Variants in UQCC1 observed in about 807,000 individuals in gnomAD.
The protein encoded by UQCC1 is bFGF-repressed Zic-binding protein.
In UQCC1, 38 loss-of-function variants were observed where a neutral mutation model predicts 48.0. The observed-to-expected ratio is 0.79, with a 90% CI of 0.61 to 1.04. The LOEUF is 1.04. Among genes scored for constraint, UQCC1 ranks in the 50% least tolerant of loss-of-function variants. UQCC1 has a pLI of 0.00. For missense variants in UQCC1, 368 were observed against 381.8 expected, an observed-to-expected ratio of 0.96 and a Z score of 0.30; for synonymous variants, 111 against 129.2, an observed-to-expected ratio of 0.86 and a Z score of 0.95.
chr20:35,409,002 G>A (rs2146554338), intron 1 of UQCC1, among the ~76,000 whole-genome samples: 1 of 152,296 alleles, frequency 6.6e-6, no homozygotes, highest in South Asian at 2.1e-4. Context: ...TAAACTCACG[G>A]AGACAGAAAG....
intron 7 of UQCC1, among the ~76,000 whole-genome samples, chr20:35,330,798 AT>A (rs2061248257): frequency 6.6e-6 from 1 of 151,532 alleles, no homozygotes; most frequent in Non-Finnish European, 1.5e-5. Flanking sequence ...TATCTCATGG[AT>A]TTTTTTTCAA....
intron 6 of UQCC1, among the ~76,000 whole-genome samples, chr20:35,365,383 G>A (rs966319129): frequency 2.6e-5 from 4 of 152,100 alleles, no homozygotes; most frequent in Admixed American, 6.6e-5. Flanking sequence ...GGCTGGGCAC[G>A]GTGGCTCACG....
intron 7 of UQCC1, among the ~76,000 whole-genome samples, chr20:35,323,469 A>C (rs982605701): frequency 1.3e-5 from 2 of 152,230 alleles, no homozygotes; most frequent in African/African-American, 4.8e-5. Flanking sequence ...AAAGGTAATT[A>C]TTATTATCTA....
At chr20:35,382,605 C>T (rs1162601327) in intron 3 of UQCC1, among the ~76,000 whole-genome samples, 2 of 148,280 alleles carry the variant, frequency 1.3e-5, no homozygotes, top group African/African-American at 2.5e-5. Context: ...CTCCGCCTCC[C>T]GGGTTCCCGC....
intron 7 of UQCC1, chr20:35,346,952 CA>C (rs766447416): frequency 5.4e-6 from 8 of 1,486,526 alleles, no homozygotes; most frequent in Non-Finnish European, 7.2e-6. Context: ...TTCACACTGA[CA>C]AATCACTATA....
chr20:35,317,311 T>A (rs1324056856), intron 7 of UQCC1, among the ~76,000 whole-genome samples: 1 of 152,240 alleles, frequency 6.6e-6, no homozygotes, highest in East Asian at 1.9e-4. Context: ...TAATAATGTA[T>A]GTATGCTGAA....
chr20:35,348,117 CTTA>C (rs1341962073), intron 6 of UQCC1, among the ~76,000 whole-genome samples: 2 of 152,062 alleles, frequency 1.3e-5, no homozygotes, highest in East Asian at 1.9e-4. Flanking sequence ...ATTTCCAGGG[CTTA>C]AGTACAGTAG....
chr20:35,314,587 G>T, intron 8 of UQCC1, 101 bp downstream of exon 8: 2 of 874,278 alleles, frequency 2.3e-6, no homozygotes, highest in Non-Finnish European at 3.6e-6. Flanking sequence ...CATGGTGGTA[G>T]CCAGTAACAA....
chr20:35,397,441 G>A (rs757665877), intron 1 of UQCC1, among the ~76,000 whole-genome samples: 5 of 150,104 alleles, frequency 3.3e-5, no homozygotes, highest in African/African-American at 7.4e-5. Flanking sequence ...GCATGAACCC[G>A]GGAGGCGGAG....
At chr20:35,323,324 C>G (rs973403652) in intron 7 of UQCC1, among the ~76,000 whole-genome samples, 9 of 152,038 alleles carry the variant, frequency 5.9e-5, no homozygotes, top group African/African-American at 2.2e-4. Flanking sequence ...AGATGAGATT[C>G]GACAAGGTCA....
intron 4 of UQCC1, among the ~76,000 whole-genome samples, chr20:35,376,834 G>C (rs76020235): frequency 1.3e-5 from 2 of 151,898 alleles, no homozygotes; most frequent in Admixed American, 1.3e-4. Context: ...GTGGTGGTAC[G>C]CGCCTGTAGT....
intron 7 of UQCC1, among the ~76,000 whole-genome samples, chr20:35,338,872 A>ATATATATAT (rs1568666036): frequency 6.9e-5 from 4 of 57,646 alleles, no homozygotes; most frequent in African/African-American, 4.2e-4. Context: ...AAAAAAAAAA[A>ATATATATAT]AAAAAAAAAA....
chr20:35,389,574 A>C (rs540292309), intron 2 of UQCC1, among the ~76,000 whole-genome samples: 75 of 152,224 alleles, frequency 4.9e-4, no homozygotes, highest in African/African-American at 1.7e-3. Context: ...AAAAAAAAAG[A>C]AAAGAAAAGA....
intron 7 of UQCC1, chr20:35,345,274 A>C (rs1478051529): frequency 6.6e-6 from 1 of 152,198 alleles, no homozygotes; most frequent in African/African-American, 2.4e-5. Flanking sequence ...TGGAGCTTGC[A>C]ATTGGTGTGG....
At chr20:35,361,128 G>T (rs1401923505) in intron 6 of UQCC1, among the ~76,000 whole-genome samples, 1 of 151,956 alleles carries the variant, frequency 6.6e-6, no homozygotes, top group Non-Finnish European at 1.5e-5. Flanking sequence ...ATGTTGTGAA[G>T]ATGTGAAGCA....
At chr20:35,366,459 G>A in intron 6 of UQCC1, 98 bp downstream of exon 6, 1 of 1,009,238 alleles carries the variant, frequency 9.9e-7, no homozygotes, top group Non-Finnish European at 1.5e-6. Context: ...CTGAACAACT[G>A]CCATTTCATA....
chr20:35,396,621 T>G (rs1318957634), intron 1 of UQCC1, among the ~76,000 whole-genome samples: 1 of 152,172 alleles, frequency 6.6e-6, no homozygotes, highest in Non-Finnish European at 1.5e-5. Flanking sequence ...GTGGGCAACT[T>G]GATTTCCAAG....
At chr20:35,324,557 A>T (rs1008536574) in intron 7 of UQCC1, among the ~76,000 whole-genome samples, 1 of 152,078 alleles carries the variant, frequency 6.6e-6, no homozygotes, top group Non-Finnish European at 1.5e-5. Context: ...CGATCTCCTG[A>T]CCTTGTGATC....
At chr20:35,323,646 G>C (rs891334991) in intron 7 of UQCC1, among the ~76,000 whole-genome samples, 3 of 152,288 alleles carry the variant, frequency 2.0e-5, no homozygotes, top group African/African-American at 7.2e-5. Flanking sequence ...GGTTGGCACT[G>C]GTCACAGGCC....
Sources: allele counts gnomAD v4.1 joint callset (sites outside exome capture counted in the v4.1 genomes callset), GRCh38; gene constraint gnomAD v4.1.1; transcripts MANE v1.5; gene names NCBI Gene and HGNC (gene_info 2026-07-23, HGNC 2026-07-21).